The following UBE2O variants were observed in gnomAD, a reference collection of about 807,000 sequenced individuals.
UBE2O encodes (E3-independent) E2 ubiquitin-conjugating enzyme.
UBE2O carries 15 observed loss-of-function variants against 125.8 expected under a neutral mutation model. The observed-to-expected ratio is 0.12, with a 90% CI of 0.08 to 0.18. UBE2O has a LOEUF of 0.18. Ranked by LOEUF, UBE2O falls within the 10% of genes least tolerant of loss-of-function variation. The pLI, the probability that UBE2O is intolerant of heterozygous loss-of-function variation, is 1.00. For synonymous variants in UBE2O, 708 were observed against 703.2 expected (o/e 1.01, Z -0.11); for missense variants, 1,280 against 1,723.6 (o/e 0.74, Z 4.56).
Position 76,391,350 on chromosome 17 carries a change from G to A in UBE2O, c.3472C>T (p.Leu1158=). Residue 1158 remains leucine, a synonymous_variant, in exon 18 of 18, where the codon CTG becomes TTG. Transcript: ENST00000319380. The surrounding 1 kb of genome is among the most constrained non-coding windows in gnomAD (Gnocchi z 8.4). ...THALLEKAQA[L]PNGVPKASSS... ...CTGGCCTTGGGCACCCCGTTGGGCAGTGCCTGGGCCTTCTCCAGCAGGGCA... is the reference window on the plus strand; with the variant it reads ...CTGGCCTTGGGCACCCCGTTGGGCAATGCCTGGGCCTTCTCCAGCAGGGCA... 6.2e-7 allele frequency: 1 copy of A among 1,613,236 alleles called. No homozygotes were observed. The highest frequency in any genetic ancestry group is 8.5e-7 in the Non-Finnish European group (1 of 1,180,032).
intron 1 of UBE2O, among the ~76,000 whole-genome samples, chr17:76,427,936 G>A (rs1406733538): frequency 2.0e-5 from 3 of 152,102 alleles, no homozygotes; most frequent in African/African-American, 4.8e-5. Context: ...TGTTAGGGTC[G>A]ATTTCAGGGT....
rs2072258136 is a variant in UBE2O, at chr17:76,398,609, G to A, written c.1784-25C>T. On this transcript the variant is annotated intron_variant, in intron 10 of 17. Coordinates refer to ENST00000319380, the MANE Select transcript of UBE2O (RefSeq NM_022066.4). This position sits in a 1 kb window ranked among gnomAD's most constrained non-coding sequence, Gnocchi z 5.4. ...ACTAGGGAACCAGAGAAAGGGAAGT[G>A]ACTAGCTAAGGGATCCCGGCTAAGG... 1 of 1,605,988 alleles carries A rather than the reference G, an allele frequency of 6.2e-7. No homozygotes were observed. Among genetic ancestry groups the A allele is most frequent in the Admixed American group, 1.7e-5 (1 of 59,820 alleles).
At chr17:76,427,485 T>C (rs2072831082) in intron 1 of UBE2O, among the ~76,000 whole-genome samples, 3 of 152,228 alleles carry the variant, frequency 2.0e-5, no homozygotes, top group African/African-American at 7.2e-5. Context: ...AATCTTGTGT[T>C]TGTTGTGATC....
chr17:76,399,276 G>T lies in UBE2O; in HGVS notation c.1628+173C>A. 1.3e-6 allele frequency: 1 copy of T among 764,344 alleles called. No homozygotes were observed. The highest frequency in any genetic ancestry group is 2.1e-6 in the Non-Finnish European group (1 of 478,858). 47.3% of individuals were successfully genotyped at this position (764,344 alleles called of 1,614,324 possible). A position where few individuals can be genotyped will look rare whatever the true frequency, so the allele number is the denominator to read the frequency against. On this transcript the variant is annotated intron_variant, in intron 9 of 17. Transcript: ENST00000319380. This position sits in a 1 kb window ranked among gnomAD's most constrained non-coding sequence, Gnocchi z 6.9. ...CCCTCTGCACCACTCCTCAGTCTCTGCTTTCCACCAGGGCCTACCCCAGGC... is the reference window on the plus strand; with the variant it reads ...CCCTCTGCACCACTCCTCAGTCTCTTCTTTCCACCAGGGCCTACCCCAGGC...
chr17:76,451,606 T>C (rs75721035), intron 1 of UBE2O, among the ~76,000 whole-genome samples: 2,277 of 152,262 alleles, frequency 0.015, 61 homozygotes, highest in African/African-American at 0.051. Context: ...CTCTGTAGTC[T>C]TTGTCTCCCA....
At chr17:76,435,417 T>TACACACAC (rs59781051) in intron 1 of UBE2O, among the ~76,000 whole-genome samples, 4,028 of 96,330 alleles carry the variant, frequency 0.042, 67 homozygotes, top group South Asian at 0.11. Context: ...CACACACACA[T>TACACACAC]ACACACACAC....
chr17:76,425,811 C>G (rs2072801672), intron 1 of UBE2O, among the ~76,000 whole-genome samples: 1 of 152,148 alleles, frequency 6.6e-6, no homozygotes, highest in Non-Finnish European at 1.5e-5. Flanking sequence ...TATCTTTGGG[C>G]TTTGTGTCTT....
At chr17:76,450,274 C>T (rs1422975530) in intron 1 of UBE2O, among the ~76,000 whole-genome samples, 1 of 152,080 alleles carries the variant, frequency 6.6e-6, no homozygotes, top group East Asian at 1.9e-4. Flanking sequence ...TCCCAGGACC[C>T]ACCCTACCAC....
intron 1 of UBE2O, among the ~76,000 whole-genome samples, chr17:76,432,343 A>G (rs1442553797): frequency 6.6e-6 from 1 of 152,238 alleles, no homozygotes; most frequent in Non-Finnish European, 1.5e-5. Context: ...TAATTGTACT[A>G]TGAGAGAGAC....
chr17:76,415,507 T>C (rs1242657988), intron 1 of UBE2O, among the ~76,000 whole-genome samples: 3 of 152,182 alleles, frequency 2.0e-5, no homozygotes, highest in African/African-American at 7.2e-5. Context: ...CATGCTGCCA[T>C]TCAAGTGTGG....
At chr17:76,443,721 CTG>C (rs2073111398) in intron 1 of UBE2O, among the ~76,000 whole-genome samples, 1 of 152,044 alleles carries the variant, frequency 6.6e-6, no homozygotes, top group African/African-American at 2.4e-5. Flanking sequence ...TGTGATGTCA[CTG>C]TGGAAGTCAC....
intron 1 of UBE2O, among the ~76,000 whole-genome samples, chr17:76,442,300 A>G (rs2073086855): frequency 6.6e-6 from 1 of 152,182 alleles, no homozygotes; most frequent in Admixed American, 6.5e-5. Context: ...TGGAGTAATT[A>G]TTCATAGTAC....
In UBE2O at chr17:76,390,096, G is replaced by C. The variant is rs2072078346; in HGVS notation, c.*847C>G. 6.6e-6 allele frequency: 1 copy of C among 152,582 alleles called. No individual in the cohort carries two copies. The highest frequency in any genetic ancestry group is 6.5e-5 in the Admixed American group (1 of 15,282). The allele number at this position is 152,582 out of a possible 1,614,324, so 9.5% of individuals were successfully genotyped here. A position where few individuals can be genotyped will look rare whatever the true frequency, so the allele number is the denominator to read the frequency against. On this transcript the variant is annotated 3_prime_UTR_variant, in exon 18 of 18. Transcript: ENST00000319380. ...AGAGGGCTGGCTCGCTTGGAGTTCA[G>C]TGAGCTGCACGCCTGTCCCAGTGTG... is the stretch of plus-strand genomic sequence containing the variant.
At chr17:76,415,803 G>A (rs1034920872) in intron 1 of UBE2O, among the ~76,000 whole-genome samples, 2 of 151,132 alleles carry the variant, frequency 1.3e-5, no homozygotes, top group African/African-American at 4.9e-5. Flanking sequence ...GACTGTGTGT[G>A]TGTGTGTGTG....
At chr17:76,436,605 G>A (rs138192575) in intron 1 of UBE2O, among the ~76,000 whole-genome samples, 2 of 151,554 alleles carry the variant, frequency 1.3e-5, no homozygotes, top group Non-Finnish European at 2.9e-5. Flanking sequence ...GCTGTCCCTC[G>A]CCTGCTGCTG....
Position 76,400,914 on chromosome 17 carries a change from G to A in UBE2O, c.894+97C>T. The A allele has an allele frequency of 5.6e-6, 8 of 1,441,358 alleles. No individual in the cohort carries two copies. Among genetic ancestry groups the A allele is most frequent in the Non-Finnish European group, 7.6e-6 (8 of 1,057,216 alleles). The allele number at this position is 1,441,358 out of a possible 1,614,324, so 89.3% of individuals were successfully genotyped here. A position where few individuals can be genotyped will look rare whatever the true frequency, so the allele number is the denominator to read the frequency against. ...ACAGGGTCCAGATGCTGAGGAGCGG[G>A]GCTCAACCCTCAAGAGCAGGAAGGA... On this transcript the variant is annotated intron_variant, in intron 6 of 17. Transcript: ENST00000319380. The surrounding 1 kb of genome is among the most constrained non-coding windows in gnomAD (Gnocchi z 4.3).
At chr17:76,436,270 A>C (rs1321331045) in intron 1 of UBE2O, among the ~76,000 whole-genome samples, 1 of 152,154 alleles carries the variant, frequency 6.6e-6, no homozygotes, top group African/African-American at 2.4e-5. Flanking sequence ...TTTATTAATT[A>C]ATTAACAAAT....
chr17:76,412,789 C>T (rs1320557947), intron 1 of UBE2O, among the ~76,000 whole-genome samples: 3 of 152,188 alleles, frequency 2.0e-5, no homozygotes, highest in Non-Finnish European at 2.9e-5. Context: ...GCAGACAGAT[C>T]ACAAGGTCAG....
At chr17:76,412,155 T>G (rs951991486) in intron 1 of UBE2O, among the ~76,000 whole-genome samples, 6 of 152,116 alleles carry the variant, frequency 3.9e-5, no homozygotes, top group Non-Finnish European at 8.8e-5. Flanking sequence ...CAGCTTGCAA[T>G]GGCTCCTGGA....
Sources: allele counts gnomAD v4.1 joint callset (sites outside exome capture counted in the v4.1 genomes callset), GRCh38; gene constraint gnomAD v4.1.1; non-coding constraint Gnocchi (gnomAD v3.1); transcripts MANE v1.5; gene names NCBI Gene and HGNC (gene_info 2026-07-23, HGNC 2026-07-21).